Variants in FBN1 observed in about 807,000 individuals in gnomAD.
FBN1 encodes fibrillin-1.
Under a neutral mutation model 365.1 loss-of-function variants are expected in FBN1, and 29 were observed. The observed-to-expected ratio is 0.08, with a 90% CI of 0.06 to 0.11. The LOEUF (loss-of-function observed/expected upper bound fraction) is 0.11. FBN1 is among the 10% of genes least tolerant of loss of function. FBN1 has a pLI of 1.00. For missense variants in FBN1, 2,476 were observed against 3,703.2 expected (o/e 0.67, Z 8.60); for synonymous variants, 1,210 against 1,270.5 (o/e 0.95, Z 1.01).
At chr15:48,457,949 T>C (rs1400305862) in intron 43 of FBN1, among the ~76,000 whole-genome samples, 5 of 152,146 alleles carry the variant, frequency 3.3e-5, no homozygotes, top group Admixed American at 3.3e-4. Flanking sequence ...GAAGATCGTA[T>C]TATGGTGATT....
chr15:48,482,390 A>C (rs1233207923), intron 31 of FBN1, among the ~76,000 whole-genome samples: 2 of 152,218 alleles, frequency 1.3e-5, no homozygotes, highest in African/African-American at 2.4e-5. Flanking sequence ...CAGATGAAAC[A>C]ACCAAAAAAA....
intron 53 of FBN1, among the ~76,000 whole-genome samples, chr15:48,435,808 GTGTA>G (rs1468686327): frequency 1.9e-4 from 25 of 134,636 alleles, no homozygotes; most frequent in East Asian, 4.0e-4. Context: ...GTGTGTGTGT[GTGTA>G]TATATGCCTT....
In FBN1 at chr15:48,483,887, T is replaced by C; in HGVS notation, c.3769A>G (p.Ile1257Val). Reference sequence around the variant, plus strand: ...CACAAGCACCTGTACTCTCCAGGGATATTTGTGCACTGACCACCATCACAG... The same window carrying C: ...CACAAGCACCTGTACTCTCCAGGGACATTTGTGCACTGACCACCATCACAG... ...NICDGGQCTN[I>V]PGEYRCLCYD... The change falls in exon 31 of 66, where the codon ATC (isoleucine) becomes GTC (valine). Residue 1257 changes from isoleucine (I) to valine (V), a missense_variant. Ile to Val is a conservative substitution (Grantham distance 29). Coordinates refer to ENST00000316623, the MANE Select transcript of FBN1 (RefSeq NM_000138.5). 6.2e-7 allele frequency: 1 copy of C among 1,613,738 alleles called. No individual in the cohort carries two copies. The highest frequency in any genetic ancestry group is 8.5e-7 in the Non-Finnish European group (1 of 1,179,954).
chr15:48,456,963 A>G (rs533250650), intron 43 of FBN1, among the ~76,000 whole-genome samples: 50 of 152,164 alleles, frequency 3.3e-4, no homozygotes, highest in African/African-American at 1.1e-3. Context: ...CATGAGTCTA[A>G]CTGGATTTAA....
intron 2 of FBN1, among the ~76,000 whole-genome samples, chr15:48,634,954 C>G (rs1890068352): frequency 6.8e-6 from 1 of 146,678 alleles, no homozygotes; most frequent in Non-Finnish European, 1.5e-5. Flanking sequence ...AAAGATATTA[C>G]CATACTTCAG....
chr15:48,430,902 T>C, intron 55 of FBN1, 100 bp from the exon 56 acceptor site: 1 of 1,116,240 alleles, frequency 9.0e-7, no homozygotes, highest in Non-Finnish European at 1.3e-6. Context: ...TAACCAATTT[T>C]CATCTGTTAT....
intron 15 of FBN1, among the ~76,000 whole-genome samples, chr15:48,508,043 C>T (rs1208033453): frequency 6.6e-6 from 1 of 152,150 alleles, no homozygotes; most frequent in Non-Finnish European, 1.5e-5. Context: ...ATTTATTCTG[C>T]TTAATCCTGT....
chr15:48,448,939 TA>T, intron 45 of FBN1, 46 bp from the exon 46 acceptor site: 1 of 1,509,574 alleles, frequency 6.6e-7, no homozygotes. Flanking sequence ...AGACAAAATA[TA>T]ATTGAATAAC....
chr15:48,424,973 A>G (rs2042967903), intron 60 of FBN1, among the ~76,000 whole-genome samples: 1 of 152,222 alleles, frequency 6.6e-6, no homozygotes, highest in Non-Finnish European at 1.5e-5. Flanking sequence ...CGATCATGGC[A>G]CTGATTATTC....
chr15:48,621,332 T>G (rs1362064458), intron 2 of FBN1, among the ~76,000 whole-genome samples: 1 of 152,206 alleles, frequency 6.6e-6, no homozygotes, highest in Non-Finnish European at 1.5e-5. Flanking sequence ...AATGAAGGGT[T>G]ACAGCAACAA....
intron 6 of FBN1, among the ~76,000 whole-genome samples, chr15:48,586,726 T>G (rs1368845153): frequency 1.3e-5 from 2 of 152,202 alleles, no homozygotes; most frequent in Non-Finnish European, 2.9e-5. Flanking sequence ...AATGAAGATC[T>G]TCCTCCAAAA....
rs78916305 is a variant in FBN1 at position 48,459,231 on chromosome 15, C to G, written c.5296+1015G>C. Among the ~76,000 whole-genome samples, 1,233 of 152,328 alleles carry G rather than the reference C, an allele frequency of 8.1e-3. 21 individuals are homozygous for G. The highest frequency in any genetic ancestry group is 0.028 in the African/African-American group (1,180 of 41,582). On this transcript the variant is annotated intron_variant, in intron 43 of 65. Coordinates refer to ENST00000316623, the MANE Select transcript of FBN1 (RefSeq NM_000138.5). ...ACCACTACCATTACAGACCACTTAT[C>G]TTGTGATCACAGATTCTAGGGAGGT...
At chr15:48,559,815 T>C (rs564777361) in intron 6 of FBN1, among the ~76,000 whole-genome samples, 3 of 152,114 alleles carry the variant, frequency 2.0e-5, no homozygotes, top group African/African-American at 7.2e-5. Context: ...ACAAAATATA[T>C]TGAAGTGAAA....
intron 5 of FBN1, among the ~76,000 whole-genome samples, 185 bp from the exon 6 acceptor site, chr15:48,596,563 G>A (rs767393676): frequency 6.6e-6 from 1 of 152,216 alleles, no homozygotes; most frequent in Non-Finnish European, 1.5e-5. Context: ...AAAGCTGCCT[G>A]GAATAGATGA....
At chr15:48,517,787 A>G (rs2043817338) in intron 10 of FBN1, among the ~76,000 whole-genome samples, 1 of 152,120 alleles carries the variant, frequency 6.6e-6, no homozygotes, top group Non-Finnish European at 1.5e-5. Context: ...ACAGTTGTAC[A>G]GTGATTTTCT....
chr15:48,595,006 AGT>A (rs1184547473), intron 6 of FBN1, among the ~76,000 whole-genome samples: 2 of 152,252 alleles, frequency 1.3e-5, no homozygotes, highest in Non-Finnish European at 2.9e-5. Flanking sequence ...AAAGAGAAGC[AGT>A]TTAAGGAGGG....
At chr15:48,639,182 TG>T (rs1890153782) in intron 2 of FBN1, among the ~76,000 whole-genome samples, 1 of 152,186 alleles carries the variant, frequency 6.6e-6, no homozygotes, top group African/African-American at 2.4e-5. Context: ...CTAAAATTAA[TG>T]GAGAAAGAAA....
At chr15:48,622,228 C>T (rs1351102917) in intron 2 of FBN1, among the ~76,000 whole-genome samples, 1 of 152,146 alleles carries the variant, frequency 6.6e-6, no homozygotes, top group Non-Finnish European at 1.5e-5. Flanking sequence ...GACTAAGACA[C>T]ACAGTCTTTG....
intron 2 of FBN1, among the ~76,000 whole-genome samples, chr15:48,619,749 T>A: frequency 6.6e-6 from 1 of 152,082 alleles, no homozygotes. Context: ...TTCTTGTTTT[T>A]TTGTGACTAT....
Sources: gnomAD v4.1 joint callset for allele counts (sites outside exome capture counted in the v4.1 genomes callset) on GRCh38, gnomAD v4.1.1 for gene constraint, MANE v1.5 for transcripts, NCBI Gene and HGNC (gene_info 2026-07-23, HGNC 2026-07-21) for gene names.